Variants in CSMD2 observed in about 807,000 individuals in gnomAD.
CSMD2 encodes CUB and sushi domain-containing protein 2.
CSMD2 carries 130 observed loss-of-function variants against 398.5 expected under a neutral mutation model. The observed-to-expected ratio is 0.33, with a 90% CI of 0.28 to 0.38. The LOEUF (loss-of-function observed/expected upper bound fraction) is 0.38. Among genes scored for constraint, CSMD2 ranks in the 10% least tolerant of loss-of-function variants. The pLI is 1.00. For synonymous variants in CSMD2, 1,828 were observed against 1,908.5 expected (o/e 0.96, Z 1.10); for missense variants, 3,829 against 4,764.9 (o/e 0.80, Z 5.78).
chr1:33,771,219 G>C (rs181200652), intron 13 of CSMD2, among the ~76,000 whole-genome samples: 2 of 152,218 alleles, frequency 1.3e-5, no homozygotes, highest in African/African-American at 4.8e-5. Flanking sequence ...ATCTTCTCAG[G>C]CCCTGCTTCT....
chr1:33,824,298 C>T (rs1658530929), intron 7 of CSMD2, among the ~76,000 whole-genome samples: 1 of 152,178 alleles, frequency 6.6e-6, no homozygotes, highest in African/African-American at 2.4e-5. Flanking sequence ...TCTGCAGGTT[C>T]CTGGCCTGAC....
Position 33,571,628 on chromosome 1 carries a change from T to A in CSMD2, c.7861A>T (p.Ile2621Phe), listed in dbSNP as rs1329527401. 1.3e-6 allele frequency: 2 copies of A among 1,591,668 alleles called. No homozygotes were observed. The highest frequency in any genetic ancestry group is 1.2e-5 in the South Asian group (1 of 86,552). The change falls in exon 51 of 71, where the codon ATC becomes TTC. Residue 2621 changes from isoleucine to phenylalanine, a missense_variant. Ile to Phe is a conservative substitution (Grantham distance 21). Around this residue, in one of 5 missense-constraint regions of CSMD2, gnomAD observed 723 missense variants for 758.6 expected, o/e 0.95. Transcript: ENST00000373381. ...GTATAGTAGTAGCCAGGGTCACAGA[T>A]GAGCATCAGCTGGGCCTGGAACTGA... ...QYQFQAQLML[I>F]CDPGYYYTGQ...
At chr1:34,046,566 C>T (rs929826033) in intron 2 of CSMD2, among the ~76,000 whole-genome samples, 4 of 152,030 alleles carry the variant, frequency 2.6e-5, no homozygotes, top group Non-Finnish European at 4.4e-5. Context: ...TCCAGCGTAC[C>T]CCACACTTCT....
chr1:34,089,135 G>A lies in CSMD2; in HGVS notation c.246C>T (p.Phe82=), dbSNP rs368624698. The A allele has an allele frequency of 6.2e-7, 1 of 1,614,170 alleles. No individual in the cohort carries two copies. ...GPNGTVESPG[F]PYGYPNYANC... ...TGGCGTAATTGGGGTAGCCATATGG[G>A]AACCCTGGGCTCTCAACTGTCCCAT... is the stretch of plus-strand genomic sequence containing the variant. The change falls in exon 2 of 71, where the codon TTC becomes TTT. Residue 82 remains phenylalanine (F), a synonymous_variant. Coordinates refer to ENST00000373381, the MANE Select transcript of CSMD2 (RefSeq NM_001281956.2).
chr1:33,738,372 A>C (rs1479710839), intron 15 of CSMD2, among the ~76,000 whole-genome samples: 2 of 152,186 alleles, frequency 1.3e-5, no homozygotes, highest in Non-Finnish European at 2.9e-5. Context: ...CGTGCCAGGT[A>C]CCACGGTTGG....
intron 2 of CSMD2, among the ~76,000 whole-genome samples, chr1:34,041,504 T>C (rs866523601): frequency 2.6e-4 from 40 of 152,330 alleles, no homozygotes; most frequent in African/African-American, 9.1e-4. Flanking sequence ...TTCCTACCCA[T>C]GGAAATGAAA....
Position 33,690,197 on chromosome 1 carries a change from G to A in CSMD2, c.4052+2733C>T, listed in dbSNP as rs116025493. ...ACCAGCTTCATCTCCCATGAATGCC[G>A]CCACCCACCAAATCGCAGGTGATCA... On this transcript the variant is annotated intron_variant, in intron 25 of 70. Coordinates refer to ENST00000373381, the MANE Select transcript of CSMD2 (RefSeq NM_001281956.2). Among the ~76,000 whole-genome samples, 1,368 of 152,128 alleles carry A rather than the reference G, an allele frequency of 9.0e-3. 16 individuals carry two copies. Among genetic ancestry groups the A allele is most frequent in the South Asian group, 0.056 (267 of 4,806 alleles).
intron 12 of CSMD2, among the ~76,000 whole-genome samples, chr1:33,778,312 T>G (rs1652264716): frequency 1.3e-5 from 2 of 152,138 alleles, no homozygotes; most frequent in Admixed American, 1.3e-4. Flanking sequence ...CCTCCCATTT[T>G]GGCACCACAT....
rs2148597401 is a variant in CSMD2, at chr1:34,165,061, C to T, written c.37G>A (p.Gly13Ser). 29 of 1,215,512 alleles carry T rather than the reference C, an allele frequency of 2.4e-5. No individual in the cohort carries two copies. Among genetic ancestry groups the T allele is most frequent in the Admixed American group, 8.7e-5 (2 of 23,082 alleles). 75.3% of individuals were successfully genotyped at this position (1,215,512 alleles called of 1,614,324 possible). A position where few individuals can be genotyped will look rare whatever the true frequency, so the allele number is the denominator to read the frequency against. The change falls in exon 1 of 71, where the codon GGC becomes AGC. Residue 13 changes from glycine to serine, a missense_variant. By Grantham distance (56) the Gly-to-Ser change is moderately conservative (BLOSUM62 0). Transcript: ENST00000373381. The stretch of plus-strand genomic sequence containing the variant: ...CCGCGAGCCCTCCCCGCGGGGCAGC[C>T]GCAGCGCCCCAGCTCCCGTCCCCGC... ...RSRGRELGRC[G>S]CPAGRARGET...
rs2149175862 is a variant in CSMD2, at chr1:33,716,496, A to G, written c.3007T>C (p.Phe1003Leu). Residue 1003 changes from phenylalanine to leucine, a missense_variant, in exon 20 of 71, where the codon TTC becomes CTC. Phe to Leu is a conservative substitution (Grantham distance 22, BLOSUM62 0). Coordinates refer to ENST00000373381, the MANE Select transcript of CSMD2 (RefSeq NM_001281956.2). The stretch of plus-strand genomic sequence containing the variant: ...AGGTGGAAGGTGTGGAAAGTGAAGA[A>G]CACACCTGCCAAGAGACCAGAGGGT... ...IIETSHGKGV[F>L]FTFHTFHLES... 6.2e-7 allele frequency: 1 copy of G among 1,611,750 alleles called. No homozygotes were observed. The highest frequency in any genetic ancestry group is 1.1e-5 in the South Asian group (1 of 90,654).
intron 5 of CSMD2, chr1:33,863,979 G>A (rs1024992676): frequency 7.3e-6 from 4 of 548,410 alleles, no homozygotes; most frequent in South Asian, 4.8e-5. Flanking sequence ...ACAGGTGTTG[G>A]CTGGGATTGG....
At chr1:34,092,814 A>G (rs1311778470) in intron 1 of CSMD2, among the ~76,000 whole-genome samples, 39 of 149,306 alleles carry the variant, frequency 2.6e-4, no homozygotes, top group African/African-American at 8.7e-4. Flanking sequence ...ACTGCAAGGC[A>G]GCAGCGAGGC....
chr1:33,837,118 T>C (rs535005545), intron 6 of CSMD2, among the ~76,000 whole-genome samples: 1 of 152,162 alleles, frequency 6.6e-6, no homozygotes, highest in African/African-American at 2.4e-5. Context: ...CTTGTTTTTT[T>C]AACAGTCTGC....
Position 33,633,599 on chromosome 1 carries a change from G to C in CSMD2, c.5087-64C>G. On this transcript the variant is annotated intron_variant, in intron 31 of 70. Transcript: ENST00000373381. This position sits in a 1 kb window ranked among gnomAD's most constrained non-coding sequence, Gnocchi z 5.0. Reference sequence around the variant, plus strand: ...CTGGGGGCAGGAGAGGGGATCTAGGGGTCTAGGGGCCCAAGCCAGGAGGAG... The same window carrying C: ...CTGGGGGCAGGAGAGGGGATCTAGGCGTCTAGGGGCCCAAGCCAGGAGGAG... 1 of 1,282,178 alleles carries C rather than the reference G, an allele frequency of 7.8e-7. No individual in the cohort carries two copies. The highest frequency in any genetic ancestry group is 1.3e-5 in the South Asian group (1 of 78,564). The allele number at this position is 1,282,178 out of a possible 1,614,324, so 79.4% of individuals were successfully genotyped here. A position where few individuals can be genotyped will look rare whatever the true frequency, so the allele number is the denominator to read the frequency against.
At chr1:34,040,468 G>T (rs1015981913) in intron 2 of CSMD2, among the ~76,000 whole-genome samples, 1 of 152,122 alleles carries the variant, frequency 6.6e-6, no homozygotes, top group Admixed American at 6.5e-5. Flanking sequence ...GTTTATTGGG[G>T]TGAGTAGTTT....
At chr1:33,862,790 C>T (rs1639641016) in intron 5 of CSMD2, 2 of 152,158 alleles carry the variant, frequency 1.3e-5, no homozygotes, top group African/African-American at 2.4e-5. Flanking sequence ...CTTAGGTAGG[C>T]CAGCCACCTT....
chr1:34,042,952 ATT>A (rs35974229), intron 2 of CSMD2, among the ~76,000 whole-genome samples: 7 of 151,554 alleles, frequency 4.6e-5, no homozygotes, highest in Non-Finnish European at 8.8e-5. Flanking sequence ...TGCCTGGCTA[ATT>A]TTTTTTTTGT....
rs570576423 is a variant in CSMD2, at chr1:33,803,688, A to T, written c.1446+7055T>A. The stretch of plus-strand genomic sequence containing the variant: ...ATCTCTCTCATCTGTTTTCCCCTCC[A>T]CATTTCCAAAGCCTTGGTGGATGTC... On this transcript the variant is annotated intron_variant, in intron 10 of 70. Transcript: ENST00000373381. 2.4e-4 allele frequency among the ~76,000 whole-genome samples: 37 copies of T among 152,254 alleles called. No individual in the cohort carries two copies. The South Asian group carries it at 7.5e-3, about 31-fold the overall frequency.
chr1:34,144,235 C>T lies in CSMD2; in HGVS notation c.187+20676G>A, dbSNP rs1639567290. Among the ~76,000 whole-genome samples, 5 of 152,230 alleles carry T rather than the reference C, an allele frequency of 3.3e-5. No individual in the cohort carries two copies. In the South Asian group the frequency reaches 1.0e-3, roughly 32 times the overall value. ...CAGTTACCTCCAGCTGCAGGCGGTG[C>T]CAACCAGCTCAGGTCCAGATTCACC... On this transcript the variant is annotated intron_variant, in intron 1 of 70. Transcript: ENST00000373381.
Sources: gnomAD v4.1 joint callset for allele counts (sites outside exome capture counted in the v4.1 genomes callset) on GRCh38, gnomAD v4.1.1 for gene constraint, gnomAD v4.1.1 regional missense constraint, Gnocchi (gnomAD v3.1) non-coding constraint, MANE v1.5 for transcripts, NCBI Gene and HGNC (gene_info 2026-07-23, HGNC 2026-07-21) for gene names.